The following SNX2 variants were observed in gnomAD, a reference collection of about 807,000 sequenced individuals.
SNX2 encodes sorting nexin 2, also known as sorting nexin-2.
Under a neutral mutation model 69.9 loss-of-function variants are expected in SNX2, and 25 were observed. That is an observed-to-expected ratio of 0.36 (90% confidence interval 0.26 to 0.50). SNX2 has a LOEUF of 0.50. SNX2 is among the 20% of genes least tolerant of loss of function. The pLI, the probability that SNX2 is intolerant of heterozygous loss-of-function variation, is 0.97. For synonymous variants in SNX2, 229 were observed against 200.4 expected (o/e 1.14, Z -1.20); for missense variants, 551 against 613.3 (o/e 0.90, Z 1.07).
In SNX2 at chr5:122,817,035, G is replaced by T; in HGVS notation, c.912+7G>T. The T allele has an allele frequency of 5.0e-6, 8 of 1,601,770 alleles. No individual in the cohort carries two copies. Among genetic ancestry groups the T allele is most frequent in the Non-Finnish European group, 6.8e-6 (8 of 1,169,250 alleles). Reference sequence around the variant, plus strand: ...GATGAATGAATCGGATGCAGTAAGAGCTGATTTTTCGGCTTGAATAATGAG... The same window carrying T: ...GATGAATGAATCGGATGCAGTAAGATCTGATTTTTCGGCTTGAATAATGAG... On this transcript the variant is annotated splice_region_variant and intron_variant, in intron 9 of 14. Transcript: ENST00000379516.
chr5:122,792,318 G>A (rs937651758), intron 1 of SNX2, among the ~76,000 whole-genome samples: 1 of 152,208 alleles, frequency 6.6e-6, no homozygotes, highest in Non-Finnish European at 1.5e-5. Flanking sequence ...TAACTGTTGG[G>A]CGCAGTGGCT....
chr5:122,813,280 CAT>C (rs1753821583), intron 7 of SNX2, among the ~76,000 whole-genome samples: 1 of 151,800 alleles, frequency 6.6e-6, no homozygotes, highest in South Asian at 2.1e-4. Context: ...ATTATGTAAA[CAT>C]ATATATAAAA....
chr5:122,817,541 T>C (rs1753925758), intron 10 of SNX2, among the ~76,000 whole-genome samples, 168 bp downstream of exon 10: 1 of 152,184 alleles, frequency 6.6e-6, no homozygotes. Flanking sequence ...TTTTGTTCTA[T>C]TTTGCTTTAC....
At chr5:122,776,332 C>T (rs1752855662) in intron 1 of SNX2, among the ~76,000 whole-genome samples, 1 of 152,078 alleles carries the variant, frequency 6.6e-6, no homozygotes, top group Admixed American at 6.5e-5. Context: ...TGCAGTGTCC[C>T]ACCCAAACCC....
At chr5:122,819,831 G>T (rs1169927224) in intron 11 of SNX2, among the ~76,000 whole-genome samples, 2 of 152,092 alleles carry the variant, frequency 1.3e-5, no homozygotes, top group Non-Finnish European at 2.9e-5. Context: ...TTCAGCTAAA[G>T]TCTGTGATCA....
At chr5:122,795,182 T>C in intron 1 of SNX2, 84 bp from the exon 2 acceptor site, 1 of 816,346 alleles carries the variant, frequency 1.2e-6, no homozygotes, top group Non-Finnish European at 2.1e-6. Flanking sequence ...TTCAAGAGAA[T>C]GTTCTATTTC....
intron 7 of SNX2, among the ~76,000 whole-genome samples, chr5:122,809,924 A>G (rs1181433896): frequency 6.6e-6 from 1 of 151,874 alleles, no homozygotes; most frequent in Non-Finnish European, 1.5e-5. Flanking sequence ...AGTTTAGGTT[A>G]GGCATTTGAA....
intron 7 of SNX2, among the ~76,000 whole-genome samples, chr5:122,810,281 C>T (rs1753739956): frequency 6.7e-6 from 1 of 150,088 alleles, no homozygotes; most frequent in Admixed American, 6.7e-5. Context: ...CCGCAGGGTC[C>T]TCTGCCTAGG....
At position 122,821,471 on chromosome 5, in the gene SNX2, T is replaced by C. The variant is rs562869886; in HGVS notation, c.1212+2448T>C. On this transcript the variant is annotated intron_variant, in intron 11 of 14. Coordinates refer to ENST00000379516, the MANE Select transcript of SNX2 (RefSeq NM_003100.4). ...AGTAGATGTCCTTTTTTTTTTTTTT[T>C]CGCAGACGGAGACTCGCTCTGTCGC... Among the ~76,000 whole-genome samples the C allele has an allele frequency of 2.4e-4, 37 of 151,990 alleles. 2 individuals are homozygous for C. The East Asian group carries it at 3.7e-3, about 15-fold the overall frequency.
chr5:122,803,344 C>T (rs927218535), intron 5 of SNX2, 128 bp from the exon 6 acceptor site: 3 of 796,828 alleles, frequency 3.8e-6, no homozygotes, highest in Non-Finnish European at 3.8e-6. Context: ...CTATATACCA[C>T]ATTAGTTAGA....
chr5:122,785,511 T>C (rs1470439855), intron 1 of SNX2, among the ~76,000 whole-genome samples: 1 of 152,020 alleles, frequency 6.6e-6, no homozygotes, highest in African/African-American at 2.4e-5. Context: ...TTCTCCCTAC[T>C]CTTGCTGTTT....
intron 8 of SNX2, 99 bp from the exon 9 acceptor site, chr5:122,816,816 G>T (rs1753909101): frequency 7.3e-6 from 4 of 550,508 alleles, no homozygotes; most frequent in Middle Eastern, 2.8e-4. Flanking sequence ...AAATTTGTAT[G>T]TGGGGGGGAG....
intron 1 of SNX2, among the ~76,000 whole-genome samples, chr5:122,780,411 AG>A (rs1018770310): frequency 1.8e-4 from 27 of 152,168 alleles, no homozygotes; most frequent in African/African-American, 6.3e-4. Flanking sequence ...GATTGCATAG[AG>A]ATGATCTTTG....
chr5:122,790,620 A>G (rs961474021), intron 1 of SNX2, among the ~76,000 whole-genome samples: 9 of 152,184 alleles, frequency 5.9e-5, no homozygotes, highest in African/African-American at 2.2e-4. Flanking sequence ...GTGGGGGAGG[A>G]AGATAGTAAG....
chr5:122,823,751 G>C (rs1672442580), intron 11 of SNX2, among the ~76,000 whole-genome samples: 1 of 149,968 alleles, frequency 6.7e-6, no homozygotes, highest in Non-Finnish European at 1.5e-5. Context: ...AAGTGAGAGG[G>C]ATTGTCTTAA....
intron 1 of SNX2, among the ~76,000 whole-genome samples, chr5:122,786,796 G>T (rs563369292): frequency 2.0e-5 from 3 of 151,892 alleles, no homozygotes; most frequent in Non-Finnish European, 4.4e-5. Context: ...GTTGCTTTTT[G>T]TATTCTATCC....
chr5:122,821,603 C>T (rs1451247361), intron 11 of SNX2, among the ~76,000 whole-genome samples: 1 of 151,946 alleles, frequency 6.6e-6, no homozygotes. Flanking sequence ...TACAGGCGCC[C>T]ACCATCATGC....
intron 14 of SNX2, 62 bp from the exon 15 acceptor site, chr5:122,829,536 T>C (rs1473215143): frequency 9.2e-6 from 12 of 1,302,754 alleles, no homozygotes; most frequent in Middle Eastern, 1.8e-4. Context: ...CTGTACAGGA[T>C]ATATGCATAT....
At chr5:122,777,510 TTAAAG>T (rs1206775323) in intron 1 of SNX2, among the ~76,000 whole-genome samples, 1 of 152,210 alleles carries the variant, frequency 6.6e-6, no homozygotes, top group African/African-American at 2.4e-5. Context: ...GTCTTTTAAC[TTAAAG>T]TAAGTCAGAG....
Sources: gnomAD v4.1 joint callset for allele counts (sites outside exome capture counted in the v4.1 genomes callset) on GRCh38, gnomAD v4.1.1 for gene constraint, MANE v1.5 for transcripts, NCBI Gene and HGNC (gene_info 2026-07-23, HGNC 2026-07-21) for gene names.